Variants in REV1 observed in about 807,000 individuals in gnomAD.
The protein encoded by REV1 is translesion synthesis protein REV1.
In REV1, 42 loss-of-function variants were observed where a neutral mutation model predicts 137.4. The observed-to-expected ratio is 0.31, with a 90% confidence interval of 0.24 to 0.40. The LOEUF (loss-of-function observed/expected upper bound fraction) is 0.40. Ranked by LOEUF, REV1 falls within the 10% of genes least tolerant of loss-of-function variation. The pLI is 1.00. For missense variants in REV1, 1,282 were observed against 1,490.1 expected (o/e 0.86, Z 2.30); for synonymous variants, 524 against 519.2 (o/e 1.01, Z -0.12).
At chr2:99,421,430 C>A in intron 11 of REV1, 69 bp downstream of exon 11, 1 of 1,456,704 alleles carries the variant, frequency 6.9e-7, no homozygotes, top group South Asian at 1.4e-5. Context: ...AGAAAAACTC[C>A]ATAAAATTAA....
chr2:99,445,967 T>A (rs1682155512), intron 4 of REV1, among the ~76,000 whole-genome samples: 1 of 152,214 alleles, frequency 6.6e-6, no homozygotes, highest in African/African-American at 2.4e-5. Flanking sequence ...ATTAAATAGC[T>A]AATACATGTT....
intron 19 of REV1, 64 bp from the exon 20 acceptor site, chr2:99,403,170 T>C: frequency 2.3e-6 from 3 of 1,322,532 alleles, no homozygotes; most frequent in South Asian, 2.9e-5. Context: ...GATGACAGTA[T>C]TGGGTTCTCT....
chr2:99,451,673 G>A (rs565987398), intron 3 of REV1, among the ~76,000 whole-genome samples: 34 of 152,174 alleles, frequency 2.2e-4, no homozygotes. Flanking sequence ...GGCATGTAGA[G>A]GTCACTCAAT....
intron 1 of REV1, among the ~76,000 whole-genome samples, chr2:99,475,845 G>A (rs1468795628): frequency 3.9e-5 from 6 of 152,118 alleles, no homozygotes; most frequent in African/African-American, 1.2e-4. Context: ...TTAGTCAGGC[G>A]TGGTGGTGGG....
chr2:99,431,764 C>T (rs1290750750), intron 8 of REV1: 8 of 985,278 alleles, frequency 8.1e-6, no homozygotes, highest in Middle Eastern at 5.2e-4. Flanking sequence ...CAGCAGAGTG[C>T]GTGGGTCCCT....
At chr2:99,440,267 T>TA (rs1176436664) in intron 5 of REV1, among the ~76,000 whole-genome samples, 1 of 152,220 alleles carries the variant, frequency 6.6e-6, no homozygotes, top group Non-Finnish European at 1.5e-5. Flanking sequence ...TACAAAGCAG[T>TA]AATTCATTCT....
At chr2:99,419,752 T>C (rs1218429916) in intron 11 of REV1, among the ~76,000 whole-genome samples, 1 of 152,096 alleles carries the variant, frequency 6.6e-6, no homozygotes, top group Non-Finnish European at 1.5e-5. Context: ...ACAGAAGCAG[T>C]GGAGGAAAAG....
intron 5 of REV1, among the ~76,000 whole-genome samples, chr2:99,439,567 C>T (rs1227647169): frequency 1.3e-5 from 2 of 151,868 alleles, no homozygotes; most frequent in African/African-American, 2.4e-5. Flanking sequence ...ATTAACAGCC[C>T]TTTAGGTGTT....
intron 9 of REV1, among the ~76,000 whole-genome samples, chr2:99,427,577 CT>C (rs1006095015): frequency 6.6e-6 from 1 of 152,188 alleles, no homozygotes; most frequent in African/African-American, 2.4e-5. Flanking sequence ...TCCCCACAAT[CT>C]AGTCCCCACT....
intron 9 of REV1, among the ~76,000 whole-genome samples, chr2:99,427,331 G>C (rs759354469): frequency 2.0e-5 from 3 of 152,160 alleles, no homozygotes; most frequent in Non-Finnish European, 4.4e-5. Flanking sequence ...GTGATTCTAG[G>C]ATATCTGTGT....
chr2:99,408,002 G>T, intron 15 of REV1, 27 bp downstream of exon 15: 1 of 1,386,174 alleles, frequency 7.2e-7, no homozygotes, highest in Non-Finnish European at 9.9e-7. Flanking sequence ...CACAAAGTCA[G>T]AATTTACAAT....
In REV1 at chr2:99,463,591, A is replaced by G. The variant is rs137910099; in HGVS notation, c.55-969T>C. Among the ~76,000 whole-genome samples the G allele has an allele frequency of 1.1e-3, 169 of 152,240 alleles. 1 individual carries two copies. Among genetic ancestry groups the G allele is most frequent in the African/African-American group, 4.0e-3 (165 of 41,552 alleles). ...TTGAGCAAGCTACACCAAAGTTTAA[A>G]CCAATTACAAATTTGACAAGTGGTC... On this transcript the variant is annotated intron_variant, in intron 2 of 22. Coordinates refer to ENST00000258428, the MANE Select transcript of REV1 (RefSeq NM_016316.4).
chr2:99,479,802 A>C (rs1170562459), intron 1 of REV1, among the ~76,000 whole-genome samples: 1 of 131,290 alleles, frequency 7.6e-6, no homozygotes, highest in Non-Finnish European at 1.6e-5. Flanking sequence ...AATAATAATA[A>C]TACAAGATCC....
At chr2:99,472,262 A>C (rs994693088) in intron 1 of REV1, among the ~76,000 whole-genome samples, 15 of 152,236 alleles carry the variant, frequency 9.9e-5, no homozygotes, top group African/African-American at 3.6e-4. Context: ...TACAACTTGC[A>C]TGAACCTTGA....
chr2:99,454,370 G>A lies in REV1; in HGVS notation c.182-4866C>T, dbSNP rs188384030. Among the ~76,000 whole-genome samples the A allele has an allele frequency of 2.0e-4, 31 of 151,772 alleles. No individual in the cohort carries two copies. The East Asian group carries it at 5.8e-3, about 28-fold the overall frequency. Reference sequence around the variant, plus strand: ...TTCAAGACCAAGTCTGACCAACATGGAGAAACCCCGTCACTACTAAAAATA... The same window carrying A: ...TTCAAGACCAAGTCTGACCAACATGAAGAAACCCCGTCACTACTAAAAATA... On this transcript the variant is annotated intron_variant, in intron 3 of 22. Transcript: ENST00000258428.
chr2:99,406,058 C>G lies in REV1; in HGVS notation c.2663G>C (p.Cys888Ser), dbSNP rs767169436. 9.3e-6 allele frequency: 15 copies of G among 1,613,612 alleles called. No homozygotes were observed. The highest frequency in any genetic ancestry group is 1.3e-5 in the Non-Finnish European group (15 of 1,179,942). The change falls in exon 17 of 23, where the codon TGC becomes TCC. Residue 888 changes from cysteine (C) to serine (S), a missense_variant. Transcript: ENST00000258428. Reference sequence around the variant, plus strand: ...TGCAGGAAAAGGTGGCAAGAAAGTGCAAGTTCTAGAAGCAGATGATATTTC... The same window carrying G: ...TGCAGGAAAAGGTGGCAAGAAAGTGGAAGTTCTAGAAGCAGATGATATTTC... The part of the protein sequence containing the change: ...DLEISSASRT[C>S]TFLPPFPAHL...
chr2:99,405,966 G>A lies in REV1; in HGVS notation c.2755C>T (p.Pro919Ser). The A allele has an allele frequency of 6.2e-7, 1 of 1,612,994 alleles. No homozygotes were observed. The highest frequency in any genetic ancestry group is 8.5e-7 in the Non-Finnish European group (1 of 1,179,438). Residue 919 changes from proline (P) to serine (S), a missense_variant, in exon 17 of 23, where the codon CCT becomes TCT. Pro to Ser is a moderately conservative substitution (Grantham distance 74). This residue lies in a region of REV1 where 135 missense variants were observed against 123.3 expected (regional missense o/e 1.10). Transcript: ENST00000258428. ...TTAAGTCTCGACTGCACACTGACAG[G>A]AGTATGTAGACCATTCCATTTCCCT... is the stretch of plus-strand genomic sequence containing the variant. Reference protein sequence around the residue: ...SSGKWNGLHTPVSVQSRLNLS... With the variant: ...SSGKWNGLHTSVSVQSRLNLS...
At chr2:99,452,322 G>T (rs771570818) in intron 3 of REV1, among the ~76,000 whole-genome samples, 4 of 151,274 alleles carry the variant, frequency 2.6e-5, no homozygotes, top group Admixed American at 6.6e-5. Flanking sequence ...AGCTACTAGG[G>T]AGTCTGAAGT....
intron 9 of REV1, chr2:99,424,854 G>A: frequency 7.7e-7 from 1 of 1,304,014 alleles, no homozygotes; most frequent in Non-Finnish European, 1.0e-6. Flanking sequence ...GTACATGGTA[G>A]GACATCACTC....
Sources: gnomAD v4.1 joint callset for allele counts (sites outside exome capture counted in the v4.1 genomes callset) on GRCh38, gnomAD v4.1.1 for gene constraint, gnomAD v4.1.1 regional missense constraint, MANE v1.5 for transcripts, NCBI Gene and HGNC (gene_info 2026-07-23, HGNC 2026-07-21) for gene names.